Variants in SMURF2 observed in about 807,000 individuals in gnomAD.
The protein encoded by SMURF2 is SMAD specific E3 ubiquitin protein ligase 2.
Under a neutral mutation model 109.6 loss-of-function variants are expected in SMURF2, and 48 were observed. That is an observed-to-expected ratio of 0.44 (90% CI 0.35 to 0.56). The LOEUF is 0.56. Ranked by LOEUF, SMURF2 falls within the 20% of genes least tolerant of loss-of-function variation. The pLI, the probability that SMURF2 is intolerant of heterozygous loss-of-function variation, is 0.01. For synonymous variants in SMURF2, 288 were observed against 317.1 expected, an observed-to-expected ratio of 0.91 and a Z score of 0.97; for missense variants, 575 against 909.0, an observed-to-expected ratio of 0.63 and a Z score of 4.72.
intron 1 of SMURF2, among the ~76,000 whole-genome samples, chr17:64,659,537 T>C (rs1433470486): frequency 1.0e-5 from 1 of 99,250 alleles, no homozygotes; most frequent in Admixed American, 1.1e-4. Context: ...TTTTTTTTTT[T>C]AAACAAAATG....
rs9303476 is a variant in SMURF2 at position 64,590,019 on chromosome 17, A to T, written c.400+1065T>A. Among the ~76,000 whole-genome samples, 1,383 of 152,166 alleles carry T rather than the reference A, an allele frequency of 9.1e-3. 27 individuals carry two copies. The highest frequency in any genetic ancestry group is 0.032 in the African/African-American group (1,307 of 41,492). ...TGATGGTTCTCTAACTATGAACCCA[A>T]TTCACTGCCTTGTAAAATAAAGTAC... On this transcript the variant is annotated intron_variant, in intron 5 of 18. Coordinates refer to ENST00000262435, the MANE Select transcript of SMURF2 (RefSeq NM_022739.4).
At position 64,544,459 on chromosome 17, in the gene SMURF2, A is replaced by T. The variant is rs1968917363; in HGVS notation, c.*1389T>A. 1 of 152,164 alleles carries T rather than the reference A, an allele frequency of 6.6e-6. No individual in the cohort carries two copies. The highest frequency in any genetic ancestry group is 2.4e-5 in the African/African-American group (1 of 41,414). The allele number at this position is 152,164 out of a possible 1,614,324, so 9.4% of individuals were successfully genotyped here. ...CACATCAATGTAAAAAAAAACTGAT[A>T]GTACATATTTTTGATGGTTGAATTT... On this transcript the variant is annotated 3_prime_UTR_variant, in exon 19 of 19. Transcript: ENST00000262435.
intron 3 of SMURF2, among the ~76,000 whole-genome samples, chr17:64,596,959 C>A (rs1383780117): frequency 1.3e-5 from 2 of 151,964 alleles, no homozygotes; most frequent in African/African-American, 4.8e-5. Flanking sequence ...TTCTTGTACC[C>A]CTGTGACCCA....
intron 1 of SMURF2, among the ~76,000 whole-genome samples, chr17:64,658,782 T>C (rs1383401157): frequency 2.6e-5 from 4 of 152,328 alleles, no homozygotes; most frequent in East Asian, 1.9e-4. Context: ...ATCCAAACCA[T>C]TGAAAGAAAA....
chr17:64,587,597 C>T (rs1413040061), intron 5 of SMURF2, among the ~76,000 whole-genome samples: 1 of 152,150 alleles, frequency 6.6e-6, no homozygotes, highest in Non-Finnish European at 1.5e-5. Flanking sequence ...ACAAGTATTA[C>T]ATCTAAGGAC....
chr17:64,571,926 A>C lies in SMURF2; in HGVS notation c.888T>G (p.Leu296=). ...TCTCCCATCCAGGAGGCAATGGACC[A>C]AGCTCTTCACAATTGATGTTGCTAA... ...RDLSNINCEE[L]GPLPPGWEIR... Residue 296 remains leucine, a synonymous_variant, in exon 10 of 19, where the codon CTT becomes CTG. Transcript: ENST00000262435. The C allele has an allele frequency of 6.2e-7, 1 of 1,613,460 alleles. No individual in the cohort carries two copies. Among genetic ancestry groups the C allele is most frequent in the Non-Finnish European group, 8.5e-7 (1 of 1,179,738 alleles).
In SMURF2 at chr17:64,556,002, A is replaced by G; in HGVS notation, c.1432-4T>C. 1 of 1,606,892 alleles carries G rather than the reference A, an allele frequency of 6.2e-7. No individual in the cohort carries two copies. The highest frequency in any genetic ancestry group is 8.5e-7 in the Non-Finnish European group (1 of 1,175,598). ...AGTGGAAATAGGATAAATGTTCCTG[A>G]AATTGAAAACAGTATATATACTCGT... On this transcript the variant is annotated splice_region_variant and splice_polypyrimidine_tract_variant and intron_variant, in intron 13 of 18. Transcript: ENST00000262435.
intron 1 of SMURF2, among the ~76,000 whole-genome samples, chr17:64,617,761 G>A (rs924236201): frequency 5.9e-5 from 9 of 152,120 alleles, no homozygotes; most frequent in South Asian, 2.1e-4. Context: ...GAGCCACTGC[G>A]CCCAGCCTCA....
intron 6 of SMURF2, among the ~76,000 whole-genome samples, chr17:64,584,029 C>T (rs551101674): frequency 1.6e-4 from 24 of 152,078 alleles, no homozygotes; most frequent in African/African-American, 5.1e-4. Flanking sequence ...TTGGCTGGCA[C>T]GGTGTCTCAC....
Position 64,545,621 on chromosome 17 carries a change from A to G in SMURF2, c.*227T>C. On this transcript the variant is annotated 3_prime_UTR_variant, in exon 19 of 19. Transcript: ENST00000262435. ...GTTCAAGATATTAAGTTTAAATAGC[A>G]GCTGAATGTGGCCTCATGGCAAAGC... The G allele has an allele frequency of 2.8e-6, 1 of 354,034 alleles. No individual in the cohort carries two copies. Among genetic ancestry groups the G allele is most frequent in the Non-Finnish European group, 5.1e-6 (1 of 194,912 alleles). 21.9% of individuals were successfully genotyped at this position (354,034 alleles called of 1,614,324 possible).
chr17:64,576,141 G>A (rs1360490284), intron 9 of SMURF2, among the ~76,000 whole-genome samples: 3 of 151,970 alleles, frequency 2.0e-5, no homozygotes, highest in Non-Finnish European at 4.4e-5. Flanking sequence ...GGAGGCAGAG[G>A]TTGTAGTGAG....
At chr17:64,604,584 G>C (rs1254088735) in intron 2 of SMURF2, among the ~76,000 whole-genome samples, 1 of 152,118 alleles carries the variant, frequency 6.6e-6, no homozygotes, top group Non-Finnish European at 1.5e-5. Context: ...AAAGCTGGGA[G>C]ACAAAACTGA....
intron 10 of SMURF2, among the ~76,000 whole-genome samples, chr17:64,569,564 C>T (rs560599932): frequency 3.0e-4 from 45 of 152,138 alleles, no homozygotes; most frequent in Admixed American, 7.2e-4. Context: ...AACAGGAAAT[C>T]CAAATAGTCA....
At position 64,561,597 on chromosome 17, in the gene SMURF2, A is replaced by G; in HGVS notation, c.1219T>C (p.Tyr407His). The G allele has an allele frequency of 1.9e-6, 3 of 1,610,212 alleles. No individual in the cohort carries two copies. The highest frequency in any genetic ancestry group is 2.5e-6 in the Non-Finnish European group (3 of 1,178,834). Residue 407 changes from tyrosine to histidine, a missense_variant, in exon 12 of 19, where the codon TAT (tyrosine) becomes CAT (histidine). Around this residue, in one of 5 missense-constraint regions of SMURF2, gnomAD observed 361 missense variants for 612.1 expected, o/e 0.59. Transcript: ENST00000262435. The part of the protein sequence containing the change: ...VSREEIFEES[Y>H]RQVMKMRPKD... ...GGTCTCATTTTCATGACCTGTCGAT[A>G]TGATTCCTGAAAAAAATAATTTTTA...
intron 5 of SMURF2, among the ~76,000 whole-genome samples, chr17:64,590,179 G>GTC (rs1555687537): frequency 6.8e-5 from 9 of 132,260 alleles, no homozygotes; most frequent in African/African-American, 2.9e-4. Context: ...TCTTGCTCTT[G>GTC]TCACCCAGCT....
intron 15 of SMURF2, 45 bp from the exon 16 acceptor site, chr17:64,551,749 G>C (rs1025480792): frequency 6.2e-7 from 1 of 1,606,470 alleles, no homozygotes; most frequent in Non-Finnish European, 8.5e-7. Context: ...TGTATTTTCA[G>C]ATCTGGTAAT....
In SMURF2 at chr17:64,661,823, C is replaced by T; in HGVS notation, c.52+6G>A. On this transcript the variant is annotated splice_donor_region_variant and intron_variant, in intron 1 of 18. Coordinates refer to ENST00000262435, the MANE Select transcript of SMURF2 (RefSeq NM_022739.4). ...CTGCCCAGCCCGGCCCGCCGCCCCC[C>T]CTCACCTGTCAGGCGCAGCTTGACG... The T allele has an allele frequency of 8.2e-7, 1 of 1,222,482 alleles. No individual in the cohort carries two copies. The highest frequency in any genetic ancestry group is 4.1e-5 in the South Asian group (1 of 24,478). 75.7% of individuals were successfully genotyped at this position (1,222,482 alleles called of 1,614,324 possible). A position where few individuals can be genotyped will look rare whatever the true frequency, so the allele number is the denominator to read the frequency against.
At position 64,581,826 on chromosome 17, in the gene SMURF2, T is replaced by TC. The variant is rs1969581768; in HGVS notation, c.570-836dup. ...CGGGTGTGGGGGCGGGCGCCTGTAG[T>TC]CCCAGCTACTCGGGAGGCTGAGGTA... On this transcript the variant is annotated intron_variant, in intron 7 of 18. Transcript: ENST00000262435. The surrounding 1 kb of genome is among the most constrained non-coding windows in gnomAD (Gnocchi z 4.3). Among the ~76,000 whole-genome samples, 1 of 151,948 alleles carries TC rather than the reference T, an allele frequency of 6.6e-6. No individual in the cohort carries two copies. The highest frequency in any genetic ancestry group is 2.1e-4 in the South Asian group (1 of 4,818).
intron 1 of SMURF2, among the ~76,000 whole-genome samples, chr17:64,616,728 CCATATAGAGTGAAA>C (rs1432372551): frequency 6.6e-6 from 1 of 151,492 alleles, no homozygotes; most frequent in Non-Finnish European, 1.5e-5. Flanking sequence ...AACTCAACTA[CCATATAGAGTGAAA>C]CATACTCTCT....
Sources: gnomAD v4.1 joint callset for allele counts (sites outside exome capture counted in the v4.1 genomes callset) on GRCh38, gnomAD v4.1.1 for gene constraint, gnomAD v4.1.1 regional missense constraint, Gnocchi (gnomAD v3.1) non-coding constraint, MANE v1.5 for transcripts, NCBI Gene and HGNC (gene_info 2026-07-23, HGNC 2026-07-21) for gene names.